The following CTPS1 variants were observed in gnomAD, a reference collection of about 807,000 sequenced individuals.
CTPS1 encodes the protein CTP synthase 1.
In CTPS1, 25 loss-of-function variants were observed where a neutral mutation model predicts 80.5. The observed-to-expected ratio is 0.31, with a 90% CI of 0.23 to 0.43. The LOEUF (loss-of-function observed/expected upper bound fraction) is 0.43. Among genes scored for constraint, CTPS1 ranks in the 20% least tolerant of loss-of-function variants. The pLI is 1.00. For synonymous variants in CTPS1, 267 were observed against 252.5 expected (o/e 1.06, Z -0.54); for missense variants, 442 against 725.7 (o/e 0.61, Z 4.49).
intron 14 of CTPS1, among the ~76,000 whole-genome samples, chr1:41,008,399 G>T (rs1295826089): frequency 6.6e-6 from 1 of 152,188 alleles, no homozygotes; most frequent in Non-Finnish European, 1.5e-5. Context: ...CCCATACTTT[G>T]CAATCATGTG....
intron 14 of CTPS1, among the ~76,000 whole-genome samples, chr1:41,008,221 G>A (rs1643083149): frequency 6.6e-6 from 1 of 152,166 alleles, no homozygotes; most frequent in Non-Finnish European, 1.5e-5. Flanking sequence ...TTGTTCACAT[G>A]CAGCCACTGA....
chr1:40,981,794 A>G (rs987339113), intron 1 of CTPS1: 10 of 256,252 alleles, frequency 3.9e-5, no homozygotes, highest in East Asian at 1.1e-4. Context: ...CAGAGGATGC[A>G]AAGAGCCTTT....
chr1:40,991,715 C>T, intron 6 of CTPS1, 50 bp from the exon 7 acceptor site: 1 of 1,341,894 alleles, frequency 7.5e-7, no homozygotes, highest in South Asian at 1.2e-5. Flanking sequence ...GAAACCCCTA[C>T]TTCTGTCATT....
chr1:41,006,824 CA>C (rs774448513), intron 13 of CTPS1, among the ~76,000 whole-genome samples: 5 of 152,210 alleles, frequency 3.3e-5, no homozygotes, highest in Non-Finnish European at 7.3e-5. Context: ...GATCTCACGG[CA>C]CTTAGACAGC....
chr1:40,985,808 G>C (rs769749590), intron 3 of CTPS1, among the ~76,000 whole-genome samples: 8 of 152,158 alleles, frequency 5.3e-5, no homozygotes, highest in Non-Finnish European at 1.0e-4. Flanking sequence ...CCAGCTTTGT[G>C]AACATGGGCA....
At chr1:40,996,530 A>C (rs1642756350) in intron 8 of CTPS1, among the ~76,000 whole-genome samples, 1 of 152,156 alleles carries the variant, frequency 6.6e-6, no homozygotes, top group South Asian at 2.1e-4. Context: ...CTACTCCACT[A>C]CATCCTTTTA....
At chr1:40,991,521 A>G (rs1199060408) in intron 6 of CTPS1, among the ~76,000 whole-genome samples, 1 of 151,988 alleles carries the variant, frequency 6.6e-6, no homozygotes, top group African/African-American at 2.4e-5. Context: ...AAAATCCCAG[A>G]GCTCTTGTAG....
intron 2 of CTPS1, 83 bp downstream of exon 2, chr1:40,983,539 CT>C: frequency 8.5e-7 from 1 of 1,176,062 alleles, no homozygotes; most frequent in Non-Finnish European, 1.2e-6. Flanking sequence ...GTTTGCATAA[CT>C]TTTATTTTCT....
chr1:40,998,396 TAAAAAAAAAAAAA>T (rs56282224), intron 9 of CTPS1, among the ~76,000 whole-genome samples: 1 of 64,588 alleles, frequency 1.5e-5, no homozygotes, highest in African/African-American at 7.5e-5. Context: ...AGACTCTGTC[TAAAAAAAAAAAAA>T]AAAAAAAAAA....
intron 3 of CTPS1, among the ~76,000 whole-genome samples, chr1:40,985,477 A>C (rs1272913826): frequency 1.3e-5 from 2 of 152,252 alleles, no homozygotes; most frequent in Non-Finnish European, 2.9e-5. Context: ...GGGTCCTCCC[A>C]AGCTTTCACT....
At chr1:40,983,134 G>A (rs1642361779) in intron 1 of CTPS1, 144 bp from the exon 2 acceptor site, 3 of 618,270 alleles carry the variant, frequency 4.9e-6, no homozygotes, top group Admixed American at 3.2e-5. Context: ...TAAACCTGAC[G>A]AGAACCTTCT....
In CTPS1 at chr1:41,012,283, C is replaced by T. The variant is rs879294677; in HGVS notation, c.*635C>T. ...TAAAATCCCCATGCCTGTGGCTGCGCTTCCTATTTCTAGGGCTGGGAAACA... is the reference window on the plus strand; with the variant it reads ...TAAAATCCCCATGCCTGTGGCTGCGTTTCCTATTTCTAGGGCTGGGAAACA... On this transcript the variant is annotated 3_prime_UTR_variant, in exon 19 of 19. Transcript: ENST00000650070. The T allele has an allele frequency of 3.3e-5, 5 of 152,186 alleles. No individual in the cohort carries two copies. Among genetic ancestry groups the T allele is most frequent in the African/African-American group, 9.7e-5 (4 of 41,438 alleles). 9.4% of individuals were successfully genotyped at this position (152,186 alleles called of 1,614,324 possible). A position where few individuals can be genotyped will look rare whatever the true frequency, so the allele number is the denominator to read the frequency against.
intron 9 of CTPS1, among the ~76,000 whole-genome samples, chr1:41,000,330 C>A (rs148592554): frequency 7.0e-3 from 1,067 of 152,262 alleles, no homozygotes; most frequent in Non-Finnish European, 0.011. Flanking sequence ...GCAACCTCTG[C>A]CTTCCAGGTT....
chr1:40,993,005 A>G (rs1277477524), intron 7 of CTPS1, among the ~76,000 whole-genome samples: 2 of 150,964 alleles, frequency 1.3e-5, no homozygotes, highest in Non-Finnish European at 3.0e-5. Context: ...AATATTCACT[A>G]TTAAAAATGT....
intron 7 of CTPS1, 76 bp from the exon 8 acceptor site, chr1:40,995,841 G>T (rs12047657): frequency 2.1e-6 from 3 of 1,406,300 alleles, no homozygotes; most frequent in East Asian, 2.3e-5. Context: ...ATTTTTACAA[G>T]GTCACGTAGC....
At chr1:40,990,020 A>G (rs1254937658) in intron 5 of CTPS1, among the ~76,000 whole-genome samples, 1 of 152,232 alleles carries the variant, frequency 6.6e-6, no homozygotes, top group Non-Finnish European at 1.5e-5. Context: ...AAATGGAGGT[A>G]TAATCTGAAC....
chr1:40,994,932 T>G (rs1483637555), intron 7 of CTPS1, among the ~76,000 whole-genome samples: 1 of 152,256 alleles, frequency 6.6e-6, no homozygotes, highest in Non-Finnish European at 1.5e-5. Context: ...ATCTGTTTTC[T>G]ATTTATGTGG....
chr1:40,983,901 C>T (rs1044408858), intron 2 of CTPS1, among the ~76,000 whole-genome samples: 60 of 152,286 alleles, frequency 3.9e-4, no homozygotes, highest in African/African-American at 1.4e-3. Flanking sequence ...CCACCATGCC[C>T]GACTGCCTTT....
chr1:40,994,338 TG>T lies in CTPS1; in HGVS notation c.721-1578del, dbSNP rs1439152701. ...ATCTACTTGCCTCAGCCCCATTTGT[TG>T]AAAAGACTATCCTTGGATACTATTC... On this transcript the variant is annotated intron_variant, in intron 7 of 18. Coordinates refer to ENST00000650070, the MANE Select transcript of CTPS1 (RefSeq NM_001905.4). 2.0e-5 allele frequency among the ~76,000 whole-genome samples: 3 copies of T among 152,358 alleles called. No homozygotes were observed. In the East Asian group the frequency reaches 5.8e-4, roughly 29 times the overall value.
Sources: allele counts gnomAD v4.1 joint callset (sites outside exome capture counted in the v4.1 genomes callset), GRCh38; gene constraint gnomAD v4.1.1; transcripts MANE v1.5; gene names NCBI Gene and HGNC (gene_info 2026-07-23, HGNC 2026-07-21).